Variants in DRD2 observed in about 807,000 individuals in gnomAD.
The protein encoded by DRD2 is dopamine receptor D2.
In DRD2, 8 loss-of-function variants were observed where a neutral mutation model predicts 38.0. The observed-to-expected ratio is 0.21, with a 90% CI of 0.12 to 0.38. The LOEUF is 0.38. Among genes scored for constraint, DRD2 ranks in the 10% least tolerant of loss-of-function variants. The pLI is 1.00. For missense variants in DRD2, 403 were observed against 607.7 expected, an observed-to-expected ratio of 0.66 and a Z score of 3.54; for synonymous variants, 230 against 238.6, an observed-to-expected ratio of 0.96 and a Z score of 0.33.
intron 6 of DRD2, chr11:113,413,452 C>T (rs377690447): frequency 2.1e-6 from 1 of 469,352 alleles, no homozygotes; most frequent in African/African-American, 2.0e-5. Flanking sequence ...AGAGCCCTGG[C>T]ATGGATCCAC....
At chr11:113,432,771 G>A (rs1565667728) in intron 1 of DRD2, among the ~76,000 whole-genome samples, 1 of 152,174 alleles carries the variant, frequency 6.6e-6, no homozygotes, top group Non-Finnish European at 1.5e-5. Context: ...CCAGGCAAAG[G>A]CCAGGCTCTC....
At chr11:113,423,860 ATT>A (rs990188845) in intron 2 of DRD2, among the ~76,000 whole-genome samples, 5 of 152,178 alleles carry the variant, frequency 3.3e-5, no homozygotes, top group African/African-American at 9.6e-5. Context: ...CAGCAGACCC[ATT>A]TCTGAAGTGG....
chr11:113,459,664 T>G (rs1951299696), intron 1 of DRD2, among the ~76,000 whole-genome samples: 1 of 152,120 alleles, frequency 6.6e-6, no homozygotes, highest in South Asian at 2.1e-4. Context: ...GGAGAGAGGT[T>G]GGTTAATAGA....
At chr11:113,468,552 T>C (rs1591305752) in intron 1 of DRD2, among the ~76,000 whole-genome samples, 1 of 152,012 alleles carries the variant, frequency 6.6e-6, no homozygotes, top group Non-Finnish European at 1.5e-5. Flanking sequence ...TGTTTGTTTG[T>C]TTGTTTGTTT....
rs1285291302 is a variant in DRD2 at position 113,415,319 on chromosome 11, C to T, written c.723+102G>A. 3.5e-6 allele frequency: 5 copies of T among 1,446,084 alleles called. No individual in the cohort carries two copies. In the African/African-American group the frequency reaches 5.7e-5, roughly 16 times the overall value. The allele number at this position is 1,446,084 out of a possible 1,614,324, so 89.6% of individuals were successfully genotyped here. A position where few individuals can be genotyped will look rare whatever the true frequency, so the allele number is the denominator to read the frequency against. On this transcript the variant is annotated intron_variant, in intron 5 of 7. Transcript: ENST00000362072. Reference sequence around the variant, plus strand: ...GGGAATTCCTTTAGCCTAGACCTAACCCTTGCTGAGGTTTCCCAAGCCCCC... The same window carrying T: ...GGGAATTCCTTTAGCCTAGACCTAATCCTTGCTGAGGTTTCCCAAGCCCCC...
At chr11:113,444,960 C>T (rs565157848) in intron 1 of DRD2, among the ~76,000 whole-genome samples, 4 of 152,162 alleles carry the variant, frequency 2.6e-5, no homozygotes, top group Admixed American at 6.5e-5. Flanking sequence ...TTTCACTGCA[C>T]GGGACAGATT....
chr11:113,435,889 C>A (rs963710812), intron 1 of DRD2, among the ~76,000 whole-genome samples: 1 of 152,166 alleles, frequency 6.6e-6, no homozygotes, highest in Non-Finnish European at 1.5e-5. Context: ...AAATCCTGAA[C>A]CTTATTGCTC....
At position 113,415,731 on chromosome 11, in the gene DRD2, A is replaced by G. The variant is rs1950819477; in HGVS notation, c.533-120T>C. ...CGATTTTACAGAGAATATGAACGCA[A>G]CTAGATGTTTAAGGCTGCCTGGTCA... On this transcript the variant is annotated intron_variant, in intron 4 of 7. Transcript: ENST00000362072. 1.7e-5 allele frequency: 19 copies of G among 1,127,724 alleles called. No individual in the cohort carries two copies. The South Asian group carries it at 2.8e-4, about 17-fold the overall frequency. 69.9% of individuals were successfully genotyped at this position (1,127,724 alleles called of 1,614,324 possible). A position where few individuals can be genotyped will look rare whatever the true frequency, so the allele number is the denominator to read the frequency against.
intron 1 of DRD2, among the ~76,000 whole-genome samples, chr11:113,455,831 G>A (rs747338138): frequency 5.9e-5 from 9 of 152,168 alleles, no homozygotes; most frequent in South Asian, 2.1e-4. Context: ...CTTATAAACC[G>A]TTGGTGGAAA....
In DRD2 at chr11:113,452,276, G is replaced by A. The variant is rs112150398; in HGVS notation, c.-32+22800C>T. On this transcript the variant is annotated intron_variant, in intron 1 of 7. Transcript: ENST00000362072. ...AGGGCAATGTTGTCTGACAGCCAAG[G>A]GGCCGGTGGATCCTTTATGTAAATA... Among the ~76,000 whole-genome samples, 24 of 152,248 alleles carry A rather than the reference G, an allele frequency of 1.6e-4. 2 individuals are homozygous for A. The highest frequency in any genetic ancestry group is 5.8e-4 in the African/African-American group (24 of 41,536).
rs1172184600 is a variant in DRD2, at chr11:113,416,966, A to T, written c.429T>A (p.Asn143Lys). The change falls in exon 4 of 8, where the codon AAT becomes AAA. Residue 143 changes from asparagine to lysine, a missense_variant. Coordinates refer to ENST00000362072, the MANE Select transcript of DRD2 (RefSeq NM_000795.4). ...CCCGGCGCTTGGAGCTGTAGCGCGTATTGTACAGCATGGGCATGGCCACAG... is the reference window on the plus strand; with the variant it reads ...CCCGGCGCTTGGAGCTGTAGCGCGTTTTGTACAGCATGGGCATGGCCACAG... ...YTAVAMPMLY[N>K]TRYSSKRRVT... The T allele has an allele frequency of 1.9e-6, 3 of 1,614,100 alleles. No individual in the cohort carries two copies. Among genetic ancestry groups the T allele is most frequent in the East Asian group, 2.2e-5 (1 of 44,874 alleles).
At chr11:113,414,498 G>T (rs1429558272) in intron 5 of DRD2, 37 bp from the exon 6 acceptor site, 1 of 1,612,596 alleles carries the variant, frequency 6.2e-7, no homozygotes, top group African/African-American at 1.3e-5. Flanking sequence ...ACACAAAGTG[G>T]TGGGGATGGA....
intron 1 of DRD2, among the ~76,000 whole-genome samples, chr11:113,442,021 C>T (rs573878930): frequency 4.4e-4 from 67 of 151,914 alleles, no homozygotes; most frequent in African/African-American, 1.6e-3. Context: ...TTTTCAGAGT[C>T]CTTATCCTTT....
At chr11:113,429,058 G>T (rs964944390) in intron 1 of DRD2, among the ~76,000 whole-genome samples, 1 of 152,130 alleles carries the variant, frequency 6.6e-6, no homozygotes, top group African/African-American at 2.4e-5. Context: ...TCTGAGAAAG[G>T]CCTCACACAT....
chr11:113,435,017 C>T (rs1487186654), intron 1 of DRD2, among the ~76,000 whole-genome samples: 1 of 152,218 alleles, frequency 6.6e-6, no homozygotes, highest in Non-Finnish European at 1.5e-5. Context: ...GGCTCTCATC[C>T]CAGACAACCC....
At chr11:113,427,654 T>G (rs959763011) in intron 1 of DRD2, among the ~76,000 whole-genome samples, 1 of 152,296 alleles carries the variant, frequency 6.6e-6, no homozygotes, top group East Asian at 1.9e-4. Context: ...CCCTTCCCAC[T>G]TGAAAGGCAC....
intron 1 of DRD2, among the ~76,000 whole-genome samples, chr11:113,473,281 G>C (rs1470910447): frequency 1.3e-5 from 2 of 152,104 alleles, no homozygotes; most frequent in East Asian, 3.9e-4. Flanking sequence ...AACTTTTTGG[G>C]AGGTAATTTG....
At chr11:113,427,532 C>G (rs1272871203) in intron 1 of DRD2, among the ~76,000 whole-genome samples, 1 of 152,118 alleles carries the variant, frequency 6.6e-6, no homozygotes, top group Non-Finnish European at 1.5e-5. Flanking sequence ...AAATAAAAAC[C>G]ATACTATCTT....
intron 2 of DRD2, among the ~76,000 whole-genome samples, chr11:113,424,039 C>A (rs1409758585): frequency 6.6e-6 from 1 of 152,170 alleles, no homozygotes; most frequent in Non-Finnish European, 1.5e-5. Context: ...TACTTAACAT[C>A]TCTGACCACC....
Sources: allele counts gnomAD v4.1 joint callset (sites outside exome capture counted in the v4.1 genomes callset), GRCh38; gene constraint gnomAD v4.1.1; transcripts MANE v1.5; gene names NCBI Gene and HGNC (gene_info 2026-07-23, HGNC 2026-07-21).